Variants in TAFA1 observed in about 807,000 individuals in gnomAD.
TAFA1 encodes chemokine-like protein TAFA-1.
TAFA1 carries 4 observed loss-of-function variants against 18.5 expected under a neutral mutation model. That is an observed-to-expected ratio of 0.22 (90% CI 0.11 to 0.49). The LOEUF is 0.49. TAFA1 is among the 20% of genes least tolerant of loss of function. The pLI is 0.98. For synonymous variants in TAFA1, 56 were observed against 55.2 expected, an observed-to-expected ratio of 1.01 and a Z score of -0.06; for missense variants, 147 against 169.0, an observed-to-expected ratio of 0.87 and a Z score of 0.72.
chr3:68,081,777 C>T (rs13071280), intron 2 of TAFA1, among the ~76,000 whole-genome samples: 10,512 of 152,286 alleles, frequency 0.069, 462 homozygotes, highest in Non-Finnish European at 0.096. Flanking sequence ...TTTGTCTTTG[C>T]CCTGCCCCTA....
At chr3:68,361,864 G>T (rs2069474622) in intron 2 of TAFA1, among the ~76,000 whole-genome samples, 1 of 152,098 alleles carries the variant, frequency 6.6e-6, no homozygotes, top group African/African-American at 2.4e-5. Flanking sequence ...TCTCTTGAGA[G>T]GGTAATGAAT....
intron 2 of TAFA1, among the ~76,000 whole-genome samples, chr3:68,243,341 CAT>C (rs1491535646): frequency 4.6e-5 from 7 of 151,794 alleles, no homozygotes; most frequent in Non-Finnish European, 8.8e-5. Context: ...TACTCATTTG[CAT>C]GTGTGTGTGT....
intron 2 of TAFA1, among the ~76,000 whole-genome samples, chr3:68,327,483 C>T (rs982912169): frequency 6.6e-6 from 1 of 152,118 alleles, no homozygotes; most frequent in African/African-American, 2.4e-5. Flanking sequence ...TTAGACCAAT[C>T]TGGGTTCAAG....
chr3:68,072,381 A>G (rs2064766800), intron 2 of TAFA1, among the ~76,000 whole-genome samples: 4 of 152,116 alleles, frequency 2.6e-5, no homozygotes, highest in Admixed American at 2.6e-4. Flanking sequence ...TTATACTGTG[A>G]ATTTTAAAGT....
intron 3 of TAFA1, among the ~76,000 whole-genome samples, chr3:68,488,023 T>C (rs1349319260): frequency 6.6e-6 from 1 of 152,122 alleles, no homozygotes; most frequent in African/African-American, 2.4e-5. Context: ...ATAGTGTCAG[T>C]AGAGACAGAT....
intron 2 of TAFA1, among the ~76,000 whole-genome samples, chr3:68,057,828 A>G (rs1439669967): frequency 6.6e-6 from 1 of 152,162 alleles, no homozygotes; most frequent in African/African-American, 2.4e-5. Context: ...TGGTTTGAAG[A>G]CAGAGGAAGT....
chr3:68,392,917 A>G (rs1318929453), intron 2 of TAFA1, among the ~76,000 whole-genome samples: 3 of 152,178 alleles, frequency 2.0e-5, no homozygotes, highest in African/African-American at 7.2e-5. Context: ...AAGATCTAAA[A>G]TCAACACCCT....
chr3:68,432,475 T>C (rs2071195564), intron 3 of TAFA1, among the ~76,000 whole-genome samples: 1 of 152,016 alleles, frequency 6.6e-6, no homozygotes, highest in Non-Finnish European at 1.5e-5. Context: ...TTTCTAGAGC[T>C]TAAGATAAGA....
intron 2 of TAFA1, among the ~76,000 whole-genome samples, chr3:68,017,937 T>C (rs995854048): frequency 2.7e-5 from 4 of 150,608 alleles, no homozygotes; most frequent in African/African-American, 9.8e-5. Context: ...GGTGATTTTG[T>C]GTTGGACTTT....
intron 1 of TAFA1, among the ~76,000 whole-genome samples, chr3:68,005,747 AAGTT>A (rs1704346353): frequency 6.6e-6 from 1 of 152,190 alleles, no homozygotes; most frequent in South Asian, 2.1e-4. Flanking sequence ...ACGGTGCTTC[AAGTT>A]TGATTAATTT....
chr3:68,417,368 T>C lies in TAFA1; in HGVS notation c.207T>C (p.Cys69=). Residue 69 remains cysteine, a synonymous_variant, in exon 3 of 5, where the codon TGT becomes TGC. Coordinates refer to ENST00000478136, the MANE Select transcript of TAFA1 (RefSeq NM_213609.4). Reference sequence around the variant, plus strand: ...GGTCACAAACAGTAAAGTGTTCCTGTCTACCTGGAAAAGTGGCTGGAACAA... The same window carrying C: ...GGTCACAAACAGTAAAGTGTTCCTGCCTACCTGGAAAAGTGGCTGGAACAA... ...EERSQTVKCS[C]LPGKVAGTTR... 6.2e-7 allele frequency: 1 copy of C among 1,613,572 alleles called. No homozygotes were observed. Among genetic ancestry groups the C allele is most frequent in the Non-Finnish European group, 8.5e-7 (1 of 1,179,672 alleles).
intron 2 of TAFA1, among the ~76,000 whole-genome samples, chr3:68,318,255 C>T (rs2068637983): frequency 6.6e-6 from 1 of 152,132 alleles, no homozygotes; most frequent in Non-Finnish European, 1.5e-5. Context: ...CACCTCGGCT[C>T]AAGGGATGGG....
At chr3:68,470,853 A>C (rs1858241) in intron 3 of TAFA1, among the ~76,000 whole-genome samples, 2 of 152,004 alleles carry the variant, frequency 1.3e-5, no homozygotes, top group African/African-American at 4.8e-5. Context: ...CATAAGTAAC[A>C]AGGAGTCAAA....
chr3:68,069,763 A>G (rs2106745258), intron 2 of TAFA1, among the ~76,000 whole-genome samples: 2 of 152,372 alleles, frequency 1.3e-5, no homozygotes, highest in African/African-American at 4.8e-5. Context: ...AAATGGTAGT[A>G]ATTGGCCAAA....
intron 2 of TAFA1, among the ~76,000 whole-genome samples, chr3:68,178,285 A>G (rs1207118048): frequency 1.3e-5 from 2 of 152,216 alleles, no homozygotes; most frequent in East Asian, 3.8e-4. Flanking sequence ...CATACAACAC[A>G]TACTTATCAG....
intron 3 of TAFA1, among the ~76,000 whole-genome samples, chr3:68,482,224 A>G (rs2106659008): frequency 6.6e-6 from 1 of 152,228 alleles, no homozygotes; most frequent in Non-Finnish European, 1.5e-5. Flanking sequence ...TTTAGCCAGG[A>G]TGGTTTCGAT....
intron 2 of TAFA1, among the ~76,000 whole-genome samples, chr3:68,062,792 A>T (rs761726021): frequency 3.9e-5 from 6 of 152,216 alleles, no homozygotes; most frequent in Non-Finnish European, 8.8e-5. Flanking sequence ...CATAACGAAG[A>T]AGCAGTCCTC....
chr3:68,446,352 C>T (rs1255844818), intron 3 of TAFA1, among the ~76,000 whole-genome samples: 1 of 152,058 alleles, frequency 6.6e-6, no homozygotes, highest in Non-Finnish European at 1.5e-5. Context: ...ATATCTGTTC[C>T]TTTACAGAAA....
intron 3 of TAFA1, among the ~76,000 whole-genome samples, chr3:68,444,838 G>A (rs1196850181): frequency 1.4e-5 from 2 of 146,420 alleles, no homozygotes; most frequent in East Asian, 2.0e-4. Flanking sequence ...TAAATACAGT[G>A]GATCTGGATT....
Sources: gnomAD v4.1 joint callset for allele counts (sites outside exome capture counted in the v4.1 genomes callset) on GRCh38, gnomAD v4.1.1 for gene constraint, MANE v1.5 for transcripts, NCBI Gene and HGNC (gene_info 2026-07-23, HGNC 2026-07-21) for gene names.